RCC2: variants seen among roughly 807,000 people sequenced by gnomAD.
RCC2 encodes the protein regulator of chromosome condensation 2, also known as protein RCC2.
A neutral mutation model predicts 64.1 loss-of-function variants in RCC2; 19 were observed. The observed-to-expected ratio is 0.30, with a 90% CI of 0.21 to 0.44. The LOEUF is 0.44. RCC2 is among the 20% of genes least tolerant of loss of function. The probability of loss-of-function intolerance (pLI) is 1.00; values close to 1 mark genes in which losing one functional copy is unlikely to be tolerated. For missense variants in RCC2, 508 were observed against 710.4 expected, an observed-to-expected ratio of 0.72 and a Z score of 3.24; for synonymous variants, 325 against 279.6, an observed-to-expected ratio of 1.16 and a Z score of -1.62.
chr1:17,422,700 C>T lies in RCC2; in HGVS notation c.655+5G>A. On this transcript the variant is annotated splice_donor_5th_base_variant and intron_variant, in intron 5 of 12. Transcript: ENST00000375436. ...GAGAGGAGACACCAGCAGCCACCTCCTTACCCGTCAAGGCCAAGGTGTGGT... is the reference window on the plus strand; with the variant it reads ...GAGAGGAGACACCAGCAGCCACCTCTTTACCCGTCAAGGCCAAGGTGTGGT... 6.2e-7 allele frequency: 1 copy of T among 1,613,700 alleles called. No individual in the cohort carries two copies. The highest frequency in any genetic ancestry group is 8.5e-7 in the Non-Finnish European group (1 of 1,179,636).
intron 11 of RCC2, among the ~76,000 whole-genome samples, chr1:17,411,431 C>T (rs992828023): frequency 6.6e-6 from 1 of 152,066 alleles, no homozygotes; most frequent in African/African-American, 2.4e-5. Context: ...CAAAAATTAG[C>T]TGGGCGTGGT....
chr1:17,408,595 G>T lies in RCC2; in HGVS notation c.*495C>A, dbSNP rs570658746. On this transcript the variant is annotated 3_prime_UTR_variant, in exon 13 of 13. Transcript: ENST00000375436. ...GAGAAGGAGTGACCCGGATGCTTCCGAAGCACGCGAGCGTGATTTTGGATG... is the reference window on the plus strand; with the variant it reads ...GAGAAGGAGTGACCCGGATGCTTCCTAAGCACGCGAGCGTGATTTTGGATG... The T allele has an allele frequency of 6.3e-6, 1 of 158,462 alleles. No homozygotes were observed. Among genetic ancestry groups the T allele is most frequent in the South Asian group, 1.9e-4 (1 of 5,386 alleles). The allele number at this position is 158,462 out of a possible 1,614,324, so 9.8% of individuals were successfully genotyped here.
intron 4 of RCC2, among the ~76,000 whole-genome samples, chr1:17,423,386 C>T (rs185780490): frequency 4.9e-4 from 75 of 152,298 alleles, no homozygotes; most frequent in Non-Finnish European, 9.7e-4. Context: ...CCCTAGGGAT[C>T]GCCCCTCAAG....
intron 2 of RCC2, among the ~76,000 whole-genome samples, chr1:17,431,365 T>TATATAC (rs2075677914): frequency 1.7e-5 from 1 of 58,736 alleles, no homozygotes; most frequent in South Asian, 6.0e-4. Context: ...AAAAAATATA[T>TATATAC]ATATATATAT....
chr1:17,429,218 G>GA lies in RCC2; in HGVS notation c.286-20dup. 1 of 1,603,992 alleles carries GA rather than the reference G, an allele frequency of 6.2e-7. No homozygotes were observed. Among genetic ancestry groups the GA allele is most frequent in the East Asian group, 2.2e-5 (1 of 44,832 alleles). Reference sequence around the variant, plus strand: ...CAAGTTTCTGCAGAGACAGAGAAAGGAAAAAAGAATTAGTGTGTAAGTCTG... The same window carrying GA: ...CAAGTTTCTGCAGAGACAGAGAAAGGAAAAAAAGAATTAGTGTGTAAGTCTG... On this transcript the variant is annotated intron_variant, in intron 2 of 12. Coordinates refer to ENST00000375436, the MANE Select transcript of RCC2 (RefSeq NM_018715.4).
chr1:17,438,607 C>G, intron 1 of RCC2, 85 bp from the exon 2 acceptor site: 2 of 1,206,880 alleles, frequency 1.7e-6, no homozygotes, highest in South Asian at 3.6e-5. Context: ...GCCACCCGGC[C>G]TCCACTTCCT....
At chr1:17,424,320 G>C (rs2075589920) in intron 4 of RCC2, among the ~76,000 whole-genome samples, 1 of 152,214 alleles carries the variant, frequency 6.6e-6, no homozygotes, top group South Asian at 2.1e-4. Flanking sequence ...TGCCCACAGG[G>C]TCAGAACTGA....
chr1:17,416,681 C>A, intron 7 of RCC2, 35 bp from the exon 8 acceptor site: 1 of 1,586,186 alleles, frequency 6.3e-7, no homozygotes, highest in Non-Finnish European at 8.6e-7. Context: ...TCAGCAGCAG[C>A]ACAAGCACAA....
chr1:17,411,999 T>TAA, intron 11 of RCC2, 123 bp downstream of exon 11: 1 of 834,724 alleles, frequency 1.2e-6, no homozygotes, highest in Non-Finnish European at 2.0e-6. Flanking sequence ...CTTAATACAA[T>TAA]AAGGGGGGAA....
At chr1:17,438,907 T>TC (rs933073057) in intron 1 of RCC2, among the ~76,000 whole-genome samples, 18 of 152,176 alleles carry the variant, frequency 1.2e-4, no homozygotes, top group Non-Finnish European at 1.5e-5. Flanking sequence ...TCGGGACACT[T>TC]CCAGGATTCC....
intron 3 of RCC2, 37 bp from the exon 4 acceptor site, chr1:17,425,721 G>T: frequency 1.3e-6 from 2 of 1,571,974 alleles, no homozygotes; most frequent in Non-Finnish European, 1.7e-6. Flanking sequence ...AGACACCTGG[G>T]GTGGTGGGGT....
Position 17,438,344 on chromosome 1 carries a change from C to G in RCC2, c.171G>C (p.Leu57=). 1.6e-6 allele frequency: 2 copies of G among 1,244,336 alleles called. No individual in the cohort carries two copies. The highest frequency in any genetic ancestry group is 2.0e-6 in the Non-Finnish European group (2 of 993,424). 77.1% of individuals were successfully genotyped at this position (1,244,336 alleles called of 1,614,324 possible). The change falls in exon 2 of 13, where the codon CTG becomes CTC. Residue 57 remains leucine (L), a synonymous_variant. Transcript: ENST00000375436. ...GGGSSGDEDG[L]ELDGAPGGGK... Reference sequence around the variant, plus strand: ...CCCCGCCGGGGGCCCCGTCGAGCTCCAGGCCGTCCTCGTCGCCGCTGCTGC... The same window carrying G: ...CCCCGCCGGGGGCCCCGTCGAGCTCGAGGCCGTCCTCGTCGCCGCTGCTGC...
intron 10 of RCC2, among the ~76,000 whole-genome samples, chr1:17,412,636 T>C (rs1570173406): frequency 6.6e-6 from 1 of 152,162 alleles, no homozygotes; most frequent in Non-Finnish European, 1.5e-5. Flanking sequence ...TGCCAGCTGA[T>C]AAATCCAACT....
intron 2 of RCC2, among the ~76,000 whole-genome samples, chr1:17,430,578 G>A (rs2075665201): frequency 6.6e-6 from 1 of 151,974 alleles, no homozygotes; most frequent in Non-Finnish European, 1.5e-5. Flanking sequence ...ACGAGGTCAG[G>A]AGTTCAAGAC....
intron 3 of RCC2, among the ~76,000 whole-genome samples, chr1:17,428,104 G>A (rs959277029): frequency 7.9e-5 from 12 of 152,182 alleles, no homozygotes; most frequent in Admixed American, 6.5e-4. Flanking sequence ...GCTTCCTTTG[G>A]TATTTACTGC....
At chr1:17,435,462 T>G (rs2075726302) in intron 2 of RCC2, among the ~76,000 whole-genome samples, 1 of 152,244 alleles carries the variant, frequency 6.6e-6, no homozygotes, top group Non-Finnish European at 1.5e-5. Context: ...GACTGCTGTC[T>G]GCCTGTGGCA....
chr1:17,407,255 G>C lies in RCC2; in HGVS notation c.*1835C>G, dbSNP rs2075370849. The C allele has an allele frequency of 6.6e-6, 1 of 152,028 alleles. No homozygotes were observed. The highest frequency in any genetic ancestry group is 2.1e-4 in the South Asian group (1 of 4,798). The allele number at this position is 152,028 out of a possible 1,614,324, so 9.4% of individuals were successfully genotyped here. ...CAAAGGCTGGGACCTCGGGTGCTGC[G>C]TCCTCAACCCTCTCGGTGACCACGG... is the stretch of plus-strand genomic sequence containing the variant. On this transcript the variant is annotated 3_prime_UTR_variant, in exon 13 of 13. Coordinates refer to ENST00000375436, the MANE Select transcript of RCC2 (RefSeq NM_018715.4).
intron 7 of RCC2, 25 bp from the exon 8 acceptor site, chr1:17,416,671 T>C (rs1238613021): frequency 6.3e-7 from 1 of 1,593,254 alleles, no homozygotes; most frequent in South Asian, 1.1e-5. Flanking sequence ...GAGCCGGCCA[T>C]CAGCAGCAGC....
chr1:17,439,248 G>A (rs2100406859), intron 1 of RCC2, among the ~76,000 whole-genome samples: 1 of 151,160 alleles, frequency 6.6e-6, no homozygotes, highest in African/African-American at 2.4e-5. Context: ...CCGGCCGTGC[G>A]GCCCGGCCGG....
Sources: allele counts gnomAD v4.1 joint callset (sites outside exome capture counted in the v4.1 genomes callset), GRCh38; gene constraint gnomAD v4.1.1; transcripts MANE v1.5; gene names NCBI Gene and HGNC (gene_info 2026-07-23, HGNC 2026-07-21).